GINS4: variants seen among roughly 807,000 people sequenced by gnomAD.
The protein encoded by GINS4 is DNA replication complex GINS protein SLD5.
Under a neutral mutation model 31.1 loss-of-function variants are expected in GINS4, and 20 were observed. The observed-to-expected ratio is 0.64, with a 90% CI of 0.45 to 0.93. GINS4 has a LOEUF of 0.93. Ranked by LOEUF, GINS4 falls within the 40% of genes least tolerant of loss-of-function variation. The pLI is 0.00. For missense variants in GINS4, 245 were observed against 273.9 expected (o/e 0.89, Z 0.75); for synonymous variants, 85 against 97.9 (o/e 0.87, Z 0.78).
intron 6 of GINS4, among the ~76,000 whole-genome samples, chr8:41,541,536 G>A (rs1372121014): frequency 6.6e-6 from 1 of 152,162 alleles, no homozygotes; most frequent in Non-Finnish European, 1.5e-5. Flanking sequence ...GGGACACAGT[G>A]TAGCCCATAA....
intron 2 of GINS4, among the ~76,000 whole-genome samples, chr8:41,536,008 G>T (rs1354510210): frequency 6.6e-6 from 1 of 152,270 alleles, no homozygotes; most frequent in African/African-American, 2.4e-5. Context: ...ATAGACATGG[G>T]GTGGCGCTGC....
chr8:41,542,051 A>G lies in GINS4; in HGVS notation c.636A>G (p.Ala212=). The G allele has an allele frequency of 1.9e-6, 3 of 1,614,094 alleles. No individual in the cohort carries two copies. Among genetic ancestry groups the G allele is most frequent in the Non-Finnish European group, 2.5e-6 (3 of 1,179,992 alleles). Reference sequence around the variant, plus strand: ...ACTTGATCCGATACAAAACCATTGCACCTCTGGTTGCATCTGGAGCTGTCC... The same window carrying G: ...ACTTGATCCGATACAAAACCATTGCGCCTCTGGTTGCATCTGGAGCTGTCC... ...SQHLIRYKTI[A]PLVASGAVQL... Residue 212 remains alanine, a synonymous_variant, in exon 8 of 8, where the codon GCA becomes GCG. Transcript: ENST00000276533.
chr8:41,532,176 A>G (rs1806655961), intron 2 of GINS4, among the ~76,000 whole-genome samples: 1 of 152,200 alleles, frequency 6.6e-6, no homozygotes, highest in African/African-American at 2.4e-5. Context: ...AAATACTAAT[A>G]TGTAGCTGAC....
At chr8:41,541,521 G>A (rs1239916527) in intron 6 of GINS4, among the ~76,000 whole-genome samples, 1 of 152,172 alleles carries the variant, frequency 6.6e-6, no homozygotes, top group East Asian at 1.9e-4. Context: ...CGTATGAATT[G>A]TGCAGGGACA....
chr8:41,529,965 A>C, intron 1 of GINS4: 2 of 483,784 alleles, frequency 4.1e-6, no homozygotes, highest in South Asian at 5.2e-5. Context: ...GGACAGAAGT[A>C]AGGGGGAGGC....
Position 41,542,861 on chromosome 8 carries a change from G to GT in GINS4, c.*775dup, listed in dbSNP as rs1437340372. The GT allele has an allele frequency of 6.6e-6, 1 of 152,298 alleles. No homozygotes were observed. The highest frequency in any genetic ancestry group is 2.4e-5 in the African/African-American group (1 of 41,460). The allele number at this position is 152,298 out of a possible 1,614,324, so 9.4% of individuals were successfully genotyped here. ...CATGTCCTGTCTGCTGTTTTAGCCC[G>GT]TGTCAGTAGATGGGGCCATTGTACT... On this transcript the variant is annotated 3_prime_UTR_variant, in exon 8 of 8. Coordinates refer to ENST00000276533, the MANE Select transcript of GINS4 (RefSeq NM_032336.3).
At chr8:41,541,242 T>G (rs1405759123) in intron 6 of GINS4, among the ~76,000 whole-genome samples, 1 of 152,014 alleles carries the variant, frequency 6.6e-6, no homozygotes, top group African/African-American at 2.4e-5. Flanking sequence ...GCTATTATTT[T>G]TAAAATTTTT....
chr8:41,536,426 A>C lies in GINS4; in HGVS notation c.163A>C (p.Met55Leu), dbSNP rs757689710. ...CAAGCCTGAGATTGTAGAATGTGTC[A>C]TGGAACAGCTGGAGCACATGGTAAG... is the stretch of plus-strand genomic sequence containing the variant. The part of the protein sequence containing the change: ...ESKPEIVECV[M>L]EQLEHMEENL... The change falls in exon 3 of 8, where the codon ATG becomes CTG. Residue 55 changes from methionine to leucine, a missense_variant. Physicochemically the swap from Met to Leu is conservative, Grantham distance 15. Transcript: ENST00000276533. 1.2e-6 allele frequency: 2 copies of C among 1,608,432 alleles called. No homozygotes were observed. The highest frequency in any genetic ancestry group is 1.7e-5 in the Admixed American group (1 of 60,006).
intron 2 of GINS4, among the ~76,000 whole-genome samples, chr8:41,532,349 C>CT (rs1427791329): frequency 6.6e-6 from 1 of 151,024 alleles, no homozygotes; most frequent in Non-Finnish European, 1.5e-5. Context: ...CATCTCATAT[C>CT]TATCAGATTG....
chr8:41,531,111 A>G (rs1229346654), intron 2 of GINS4, among the ~76,000 whole-genome samples: 2 of 152,188 alleles, frequency 1.3e-5, no homozygotes, highest in East Asian at 3.9e-4. Context: ...CGTCTCTACT[A>G]AAAAACAAAA....
At position 41,537,156 on chromosome 8, in the gene GINS4, A is replaced by G. The variant is rs757664614; in HGVS notation, c.184-24A>G. 8 of 1,501,840 alleles carry G rather than the reference A, an allele frequency of 5.3e-6. No homozygotes were observed. In the South Asian group the frequency reaches 9.1e-5, roughly 17 times the overall value. The allele number at this position is 1,501,840 out of a possible 1,614,324, so 93.0% of individuals were successfully genotyped here. A position where few individuals can be genotyped will look rare whatever the true frequency, so the allele number is the denominator to read the frequency against. ...GATGGTTGAACATCATGTTTTTTATAAACCTTAATTTCTCATTTAATAGGA... is the reference window on the plus strand; with the variant it reads ...GATGGTTGAACATCATGTTTTTTATGAACCTTAATTTCTCATTTAATAGGA... On this transcript the variant is annotated intron_variant, in intron 3 of 7. Coordinates refer to ENST00000276533, the MANE Select transcript of GINS4 (RefSeq NM_032336.3).
chr8:41,532,084 C>T (rs1007012444), intron 2 of GINS4, among the ~76,000 whole-genome samples: 1 of 152,194 alleles, frequency 6.6e-6, no homozygotes, highest in African/African-American at 2.4e-5. Context: ...GGATTACAGG[C>T]ATGAGCCTCT....
intron 6 of GINS4, chr8:41,540,444 G>C (rs72638924): frequency 0.017 from 3,326 of 199,602 alleles, 44 homozygotes; most frequent in Non-Finnish European, 0.024. Context: ...CAGGAGGCTA[G>C]GGAGACCTCC....
At chr8:41,535,938 T>C (rs192274160) in intron 2 of GINS4, among the ~76,000 whole-genome samples, 1 of 152,204 alleles carries the variant, frequency 6.6e-6, no homozygotes, top group Middle Eastern at 3.2e-3. Context: ...ATTTGTGAAG[T>C]GCTCTGAGCT....
intron 4 of GINS4, 111 bp from the exon 5 acceptor site, chr8:41,539,567 A>G: frequency 1.3e-6 from 1 of 768,450 alleles, no homozygotes; most frequent in Non-Finnish European, 2.3e-6. Flanking sequence ...TCCCACCTCC[A>G]GGCCACATGT....
At chr8:41,538,158 A>T (rs1481105433) in intron 4 of GINS4, 1 of 152,260 alleles carries the variant, frequency 6.6e-6, no homozygotes, top group Non-Finnish European at 1.5e-5. Flanking sequence ...CTACATGAGA[A>T]TGCTTCAGCT....
Position 41,541,830 on chromosome 8 carries a change from C to T in GINS4, c.506C>T (p.Ser169Phe), listed in dbSNP as rs192899689. ...FRAVPKPDLD[S>F]YVFLRVRERQ... ...GCAGTTCCCAAACCAGATCTAGATT[C>T]TTACGTGTTTCTGAGAGTGAGAGAA... Residue 169 changes from serine to phenylalanine, a missense_variant, in exon 7 of 8, where the codon TCT (serine) becomes TTT (phenylalanine). Ser to Phe is a radical substitution (Grantham distance 155, BLOSUM62 -2). Coordinates refer to ENST00000276533, the MANE Select transcript of GINS4 (RefSeq NM_032336.3). The T allele has an allele frequency of 6.2e-7, 1 of 1,614,042 alleles. No individual in the cohort carries two copies. Among genetic ancestry groups the T allele is most frequent in the African/African-American group, 1.3e-5 (1 of 75,054 alleles).
At chr8:41,536,917 T>C (rs994064114) in intron 3 of GINS4, among the ~76,000 whole-genome samples, 9 of 152,268 alleles carry the variant, frequency 5.9e-5, no homozygotes, top group African/African-American at 2.2e-4. Context: ...TTAGACCCAA[T>C]GGAAGTTTCG....
intron 3 of GINS4, 34 bp from the exon 4 acceptor site, chr8:41,537,146 T>C (rs375292202): frequency 7.0e-7 from 1 of 1,432,872 alleles, no homozygotes; most frequent in South Asian, 1.2e-5. Context: ...TTGAACATCA[T>C]GTTTTTTATA....
Sources: gnomAD v4.1 joint callset for allele counts (sites outside exome capture counted in the v4.1 genomes callset) on GRCh38, gnomAD v4.1.1 for gene constraint, MANE v1.5 for transcripts, NCBI Gene and HGNC (gene_info 2026-07-23, HGNC 2026-07-21) for gene names.